CRISP1: variants seen among roughly 807,000 people sequenced by gnomAD.
CRISP1 encodes the protein cysteine rich secretory protein 1, also known as cysteine-rich secretory protein 1.
In CRISP1, 44 loss-of-function variants were observed where a neutral mutation model predicts 33.1. The ratio of observed to expected loss-of-function variants is 1.33; its 90% CI spans 1.05 to 1.71. The LOEUF (loss-of-function observed/expected upper bound fraction) is 1.71. CRISP1 is among the 40% of genes most tolerant of loss of function. The pLI, the probability that CRISP1 is intolerant of heterozygous loss-of-function variation, is 0.00. For missense variants in CRISP1, 390 were observed against 301.2 expected, an observed-to-expected ratio of 1.29 and a Z score of -2.18; for synonymous variants, 103 against 98.7, an observed-to-expected ratio of 1.04 and a Z score of -0.26.
chr6:49,858,982 G>A (rs1771570746), intron 1 of CRISP1, among the ~76,000 whole-genome samples: 1 of 152,136 alleles, frequency 6.6e-6, no homozygotes, highest in Non-Finnish European at 1.5e-5. Flanking sequence ...AAGGCAGTCT[G>A]CTCAGTTGGG....
At chr6:49,839,868 C>T (rs926831867) in intron 6 of CRISP1, among the ~76,000 whole-genome samples, 21 of 152,104 alleles carry the variant, frequency 1.4e-4, no homozygotes, top group African/African-American at 3.9e-4. Flanking sequence ...GGTGATATTA[C>T]ACTCTGAATC....
At chr6:49,853,061 T>A (rs757489888) in intron 2 of CRISP1, among the ~76,000 whole-genome samples, 2 of 152,172 alleles carry the variant, frequency 1.3e-5, no homozygotes, top group Admixed American at 6.6e-5. Context: ...GTCATTTATA[T>A]CAACAGTTTA....
intron 5 of CRISP1, among the ~76,000 whole-genome samples, chr6:49,843,767 G>A (rs1253874314): frequency 6.6e-6 from 1 of 152,176 alleles, no homozygotes; most frequent in Non-Finnish European, 1.5e-5. Context: ...GCTATAAAAA[G>A]TGTAGATTGC....
intron 2 of CRISP1, among the ~76,000 whole-genome samples, chr6:49,856,128 G>T (rs570996044): frequency 1.3e-5 from 2 of 152,230 alleles, no homozygotes; most frequent in South Asian, 4.1e-4. Context: ...CCTTGGACGG[G>T]TAGGGTTCTA....
At chr6:49,839,380 G>A (rs1016627415) in intron 6 of CRISP1, among the ~76,000 whole-genome samples, 2 of 151,664 alleles carry the variant, frequency 1.3e-5, no homozygotes, top group Non-Finnish European at 2.9e-5. Context: ...GAGCCCAGAA[G>A]GTCAATACTA....
At position 49,838,532 on chromosome 6, in the gene CRISP1, TA is replaced by T. The variant is rs577361395; in HGVS notation, c.534-8del. 1.8e-5 allele frequency: 29 copies of T among 1,602,980 alleles called. No individual in the cohort carries two copies. The highest frequency in any genetic ancestry group is 6.7e-5 in the East Asian group (3 of 44,684). On this transcript the variant is annotated splice_polypyrimidine_tract_variant and splice_region_variant and intron_variant, in intron 6 of 7. Transcript: ENST00000335847. ...TGTTTCAGGATCATTTCCCCTTGAA[TA>T]AAAAAAAGTGATTTCATAAAACCCA...
chr6:49,866,592 C>T (rs888003245), upstream of CRISP1: 4 of 152,020 alleles, frequency 2.6e-5, no homozygotes, highest in Admixed American at 1.3e-4. Flanking sequence ...ACGGTGGACA[C>T]CAGGCATGAA....
intron 1 of CRISP1, among the ~76,000 whole-genome samples, chr6:49,875,139 G>A (rs374228139): frequency 1.3e-5 from 2 of 152,020 alleles, no homozygotes; most frequent in African/African-American, 2.4e-5. Context: ...CAGATGACAC[G>A]ATCCTATATA....
intron 2 of CRISP1, among the ~76,000 whole-genome samples, chr6:49,854,311 G>T (rs1176955196): frequency 6.6e-6 from 1 of 152,056 alleles, no homozygotes; most frequent in African/African-American, 2.4e-5. Context: ...CATTTTGTTT[G>T]CTGTCAGCCA....
At chr6:49,854,420 T>C (rs1388342332) in intron 2 of CRISP1, among the ~76,000 whole-genome samples, 2 of 152,180 alleles carry the variant, frequency 1.3e-5, no homozygotes, top group African/African-American at 4.8e-5. Context: ...CAGGCTGGAG[T>C]GCAGTAGCAC....
chr6:49,872,086 A>G (rs1009357697), intron 1 of CRISP1, among the ~76,000 whole-genome samples: 13 of 151,990 alleles, frequency 8.6e-5, no homozygotes, highest in African/African-American at 3.1e-4. Flanking sequence ...TTTAATGATC[A>G]CCATTCTAAC....
chr6:49,846,900 C>G (rs1771193652), intron 4 of CRISP1, among the ~76,000 whole-genome samples: 1 of 152,052 alleles, frequency 6.6e-6, no homozygotes, highest in African/African-American at 2.4e-5. Context: ...GTTTTGAAAT[C>G]AAATCATCAA....
upstream of CRISP1, among the ~76,000 whole-genome samples, chr6:49,869,257 C>G (rs1771869359): frequency 6.6e-6 from 1 of 152,086 alleles, no homozygotes; most frequent in Non-Finnish European, 1.5e-5. Flanking sequence ...ATATGACTTG[C>G]AAGTTGGTGC....
At chr6:49,876,346 C>G (rs377185806) in intron 1 of CRISP1, among the ~76,000 whole-genome samples, 2 of 152,132 alleles carry the variant, frequency 1.3e-5, no homozygotes, top group East Asian at 3.8e-4. Context: ...AATACCATCT[C>G]ACTCCAGTCA....
At chr6:49,850,153 C>T (rs1057191307) in intron 3 of CRISP1, among the ~76,000 whole-genome samples, 2 of 150,884 alleles carry the variant, frequency 1.3e-5, no homozygotes, top group Admixed American at 6.6e-5. Flanking sequence ...TGCTAAATGA[C>T]GAGTTAATGG....
chr6:49,859,978 C>T (rs1223680126), intron 1 of CRISP1, among the ~76,000 whole-genome samples: 2 of 151,794 alleles, frequency 1.3e-5, no homozygotes, highest in African/African-American at 4.8e-5. Flanking sequence ...TATCTTATAG[C>T]TATAAGATAA....
chr6:49,857,321 C>T lies in CRISP1; in HGVS notation c.66+14G>A. The T allele has an allele frequency of 1.2e-5, 20 of 1,610,664 alleles. No individual in the cohort carries two copies. Among genetic ancestry groups the T allele is most frequent in the Non-Finnish European group, 1.5e-5 (18 of 1,177,572 alleles). On this transcript the variant is annotated intron_variant, in intron 2 of 7. Coordinates refer to ENST00000335847, the MANE Select transcript of CRISP1 (RefSeq NM_001131.3). ...ATTTAGAAAGTAATTATGAAACATCCAACCCTCACATACTTTCATGGACAA... is the reference window on the plus strand; with the variant it reads ...ATTTAGAAAGTAATTATGAAACATCTAACCCTCACATACTTTCATGGACAA...
chr6:49,857,513 A>C (rs1366401817), intron 1 of CRISP1, 111 bp from the exon 2 acceptor site: 2 of 928,684 alleles, frequency 2.2e-6, no homozygotes, highest in East Asian at 2.7e-5. Context: ...TCCTAAAAGA[A>C]ACCTTTAGGA....
intron 1 of CRISP1, among the ~76,000 whole-genome samples, chr6:49,861,613 G>T (rs561678836): frequency 3.9e-5 from 6 of 152,258 alleles, no homozygotes; most frequent in African/African-American, 1.4e-4. Context: ...GCCAGGCACG[G>T]TAACTCACGC....
Sources: allele counts gnomAD v4.1 joint callset (sites outside exome capture counted in the v4.1 genomes callset), GRCh38; gene constraint gnomAD v4.1.1; transcripts MANE v1.5; gene names NCBI Gene and HGNC (gene_info 2026-07-23, HGNC 2026-07-21).